The following ARHGAP39 variants were observed in gnomAD, a reference collection of about 807,000 sequenced individuals.
The protein encoded by ARHGAP39 is rho GTPase-activating protein 39.
A neutral mutation model predicts 106.9 loss-of-function variants in ARHGAP39; 44 were observed. The ratio of observed to expected loss-of-function variants is 0.41; its 90% CI spans 0.32 to 0.53. The LOEUF (loss-of-function observed/expected upper bound fraction) is 0.53. Among genes scored for constraint, ARHGAP39 ranks in the 20% least tolerant of loss-of-function variants. ARHGAP39 has a pLI of 0.21. For missense variants in ARHGAP39, 1,496 were observed against 1,577.3 expected, an observed-to-expected ratio of 0.95 and a Z score of 0.87; for synonymous variants, 768 against 693.2, an observed-to-expected ratio of 1.11 and a Z score of -1.69.
intron 1 of ARHGAP39, among the ~76,000 whole-genome samples, chr8:144,656,693 A>C (rs1821706095): frequency 6.6e-6 from 1 of 151,202 alleles, no homozygotes. Flanking sequence ...CTGTAATCCC[A>C]GCTACTTGGG....
intron 1 of ARHGAP39, among the ~76,000 whole-genome samples, chr8:144,610,983 A>AT (rs1820472773): frequency 6.6e-6 from 1 of 151,670 alleles, no homozygotes; most frequent in Admixed American, 6.6e-5. Context: ...CACCTGGCTA[A>AT]TTTTTTTGTA....
At chr8:144,589,600 C>T (rs1819315523) in intron 2 of ARHGAP39, among the ~76,000 whole-genome samples, 1 of 152,254 alleles carries the variant, frequency 6.6e-6, no homozygotes, top group South Asian at 2.1e-4. Context: ...TCCCGTGACC[C>T]CATAATCCAG....
rs1475154333 is a variant in ARHGAP39 at position 144,581,075 on chromosome 8, G to A, written c.283C>T (p.Pro95Ser). 5.0e-6 allele frequency: 8 copies of A among 1,588,656 alleles called. No individual in the cohort carries two copies. Among genetic ancestry groups the A allele is most frequent in the Non-Finnish European group, 6.0e-6 (7 of 1,168,436 alleles). The change falls in exon 3 of 12, where the codon CCG (proline) becomes TCG (serine). Residue 95 changes from proline to serine, a missense_variant. Around this residue, in one of 4 missense-constraint regions of ARHGAP39, gnomAD observed 25 missense variants for 48.0 expected, o/e 0.52. Transcript: ENST00000377307. ...ASTQRTVWHR[P>S]QGCDIIPLAK... ...AGCGGGATGATGTCGCAGCCCTGCG[G>A]CCGGTGCCACACCGTGCGCTGCGTG...
At chr8:144,690,026 C>T (rs1023652966), upstream of ARHGAP39, among the ~76,000 whole-genome samples, 22 of 152,094 alleles carry the variant, frequency 1.4e-4, no homozygotes, top group Non-Finnish European at 1.9e-4. Flanking sequence ...GGATTACAGG[C>T]GTGAGCCACC....
At chr8:144,549,503 T>C (rs1305039023) in intron 4 of ARHGAP39, among the ~76,000 whole-genome samples, 1 of 152,178 alleles carries the variant, frequency 6.6e-6, no homozygotes, top group African/African-American at 2.4e-5. Context: ...GGTTTTGTTT[T>C]GTTTTTTTGA....
intron 2 of ARHGAP39, among the ~76,000 whole-genome samples, chr8:144,589,474 G>A (rs1819309333): frequency 6.6e-6 from 1 of 152,288 alleles, no homozygotes; most frequent in African/African-American, 2.4e-5. Context: ...CTAACAGGGT[G>A]GAATGAAGTC....
At chr8:144,628,914 G>A (rs1398836713) in intron 1 of ARHGAP39, among the ~76,000 whole-genome samples, 3 of 151,940 alleles carry the variant, frequency 2.0e-5, no homozygotes, top group Non-Finnish European at 4.4e-5. Context: ...ATCCAGCTTC[G>A]CATTGCCGCA....
upstream of ARHGAP39, among the ~76,000 whole-genome samples, chr8:144,688,829 A>G (rs1822687445): frequency 6.6e-6 from 1 of 152,214 alleles, no homozygotes; most frequent in Non-Finnish European, 1.5e-5. Flanking sequence ...ATAGAAATCC[A>G]AAATGTTAAT....
chr8:144,599,704 G>A (rs1359717206), intron 2 of ARHGAP39, among the ~76,000 whole-genome samples: 1 of 152,200 alleles, frequency 6.6e-6, no homozygotes, highest in African/African-American at 2.4e-5. Context: ...ACGGATGCCA[G>A]AACCATAATG....
upstream of ARHGAP39, among the ~76,000 whole-genome samples, chr8:144,688,013 G>A (rs116506283): frequency 0.019 from 2,879 of 150,242 alleles, 148 homozygotes; most frequent in African/African-American, 0.068. Context: ...CCACCCCCAT[G>A]ACCACACATT....
intron 1 of ARHGAP39, among the ~76,000 whole-genome samples, chr8:144,662,045 C>G (rs1049542839): frequency 4.6e-5 from 7 of 151,368 alleles, no homozygotes; most frequent in African/African-American, 1.5e-4. Context: ...TCCCCACATC[C>G]CATTATCTGC....
At chr8:144,608,692 A>T (rs1245600367) in intron 1 of ARHGAP39, among the ~76,000 whole-genome samples, 2 of 152,246 alleles carry the variant, frequency 1.3e-5, no homozygotes, top group Non-Finnish European at 2.9e-5. Flanking sequence ...AGTAAGAGGA[A>T]AATCAACATC....
chr8:144,598,939 A>G (rs117538300), intron 2 of ARHGAP39, among the ~76,000 whole-genome samples: 4,084 of 152,350 alleles, frequency 0.027, 96 homozygotes, highest in Admixed American at 0.066. Context: ...ATAGAAAAAG[A>G]GCAAAAGATA....
chr8:144,589,108 C>T (rs534239192), intron 2 of ARHGAP39, among the ~76,000 whole-genome samples: 4 of 152,310 alleles, frequency 2.6e-5, no homozygotes, highest in South Asian at 4.2e-4. Flanking sequence ...TGCAGAAAGG[C>T]ACCGGCGGCA....
rs1036285171 is a variant in ARHGAP39 at position 144,604,040 on chromosome 8, A to G, written c.80+1495T>C. Among the ~76,000 whole-genome samples, 1 of 152,248 alleles carries G rather than the reference A, an allele frequency of 6.6e-6. No homozygotes were observed. The highest frequency in any genetic ancestry group is 2.4e-5 in the African/African-American group (1 of 41,458). On this transcript the variant is annotated intron_variant, in intron 2 of 11. Coordinates refer to ENST00000377307, the MANE Select transcript of ARHGAP39 (RefSeq NM_025251.3). The surrounding 1 kb of genome is among the most constrained non-coding windows in gnomAD (Gnocchi z 4.1). ...CAAACGAATGAAGAACGAACAAACG[A>G]ATGAACAAGGAGACAGCAGGACTCC... is the stretch of plus-strand genomic sequence containing the variant.
At position 144,604,006 on chromosome 8, in the gene ARHGAP39, A is replaced by G. The variant is rs1820184632; in HGVS notation, c.80+1529T>C. On this transcript the variant is annotated intron_variant, in intron 2 of 11. Transcript: ENST00000377307. This position sits in a 1 kb window ranked among gnomAD's most constrained non-coding sequence, Gnocchi z 4.1. ...AAACCCAACGGAGCTCACAGCCCAC[A>G]TCAGCGAACAAACGAATGAAGAACG... is the stretch of plus-strand genomic sequence containing the variant. Among the ~76,000 whole-genome samples the G allele has an allele frequency of 6.6e-6, 1 of 152,374 alleles. No homozygotes were observed. The highest frequency in any genetic ancestry group is 2.1e-4 in the South Asian group (1 of 4,830).
intron 3 of ARHGAP39, among the ~76,000 whole-genome samples, chr8:144,573,155 T>A (rs995847019): frequency 1.3e-5 from 2 of 152,224 alleles, no homozygotes; most frequent in East Asian, 3.8e-4. Flanking sequence ...CATGCACATG[T>A]GTGTTTATTG....
At chr8:144,629,338 C>T (rs976390273) in intron 1 of ARHGAP39, among the ~76,000 whole-genome samples, 3 of 152,190 alleles carry the variant, frequency 2.0e-5, no homozygotes, top group Non-Finnish European at 2.9e-5. Flanking sequence ...AGGCAGAGCA[C>T]GGCCGTGAGA....
chr8:144,549,351 G>A (rs761119214), intron 4 of ARHGAP39, among the ~76,000 whole-genome samples: 1 of 152,250 alleles, frequency 6.6e-6, no homozygotes, highest in Non-Finnish European at 1.5e-5. Flanking sequence ...GAGGCCACTC[G>A]GGTATGGCTA....
Sources: gnomAD v4.1 joint callset for allele counts (sites outside exome capture counted in the v4.1 genomes callset) on GRCh38, gnomAD v4.1.1 for gene constraint, gnomAD v4.1.1 regional missense constraint, Gnocchi (gnomAD v3.1) non-coding constraint, MANE v1.5 for transcripts, NCBI Gene and HGNC (gene_info 2026-07-23, HGNC 2026-07-21) for gene names.